Variants in CDC42BPA observed in about 807,000 individuals in gnomAD.
CDC42BPA encodes the protein CDC42 binding protein kinase alpha.
In CDC42BPA, 80 loss-of-function variants were observed where a neutral mutation model predicts 223.5. That is an observed-to-expected ratio of 0.36 (90% CI 0.30 to 0.43). The LOEUF (loss-of-function observed/expected upper bound fraction) is 0.43, where lower values mean the gene tolerates loss of function less well. Ranked by LOEUF, CDC42BPA falls within the 20% of genes least tolerant of loss-of-function variation. The pLI is 1.00. For missense variants in CDC42BPA, 1,743 were observed against 2,099.9 expected, an observed-to-expected ratio of 0.83 and a Z score of 3.32; for synonymous variants, 694 against 718.6, an observed-to-expected ratio of 0.97 and a Z score of 0.55.
At chr1:227,106,923 G>A (rs1017020290) in intron 14 of CDC42BPA, among the ~76,000 whole-genome samples, 3 of 152,186 alleles carry the variant, frequency 2.0e-5, no homozygotes, top group Non-Finnish European at 4.4e-5. Context: ...TGGTCTGTAT[G>A]TCTATCCTTA....
chr1:227,179,603 T>C (rs917603601), intron 5 of CDC42BPA, among the ~76,000 whole-genome samples: 4 of 110,326 alleles, frequency 3.6e-5, no homozygotes, highest in African/African-American at 1.4e-4. Flanking sequence ...GCCACTGCAC[T>C]CCAGCCTGGG....
rs753957885 is a variant in CDC42BPA at position 226,993,310 on chromosome 1, T to TA, written c.*957dup. On this transcript the variant is annotated 3_prime_UTR_variant, in exon 37 of 37. Coordinates refer to ENST00000366766, the MANE Select transcript of CDC42BPA (RefSeq NM_001394014.1). ...TATTTCTACATTTATCTGCGGAAGATAAAATACAATAAAAAGTGAGAAGTG... is the reference window on the plus strand; with the variant it reads ...TATTTCTACATTTATCTGCGGAAGATAAAAATACAATAAAAAGTGAGAAGTG... 4 of 152,322 alleles carry TA rather than the reference T, an allele frequency of 2.6e-5. No individual in the cohort carries two copies. In the South Asian group the frequency reaches 8.3e-4, roughly 32 times the overall value. 9.4% of individuals were successfully genotyped at this position (152,322 alleles called of 1,614,324 possible). A position where few individuals can be genotyped will look rare whatever the true frequency, so the allele number is the denominator to read the frequency against.
At chr1:227,205,607 T>C (rs1299060714) in intron 3 of CDC42BPA, among the ~76,000 whole-genome samples, 1 of 152,010 alleles carries the variant, frequency 6.6e-6, no homozygotes, top group Non-Finnish European at 1.5e-5. Context: ...ATTATAAAAA[T>C]AGCCAAACAA....
intron 12 of CDC42BPA, among the ~76,000 whole-genome samples, chr1:227,117,337 G>C (rs1383029854): frequency 6.6e-6 from 1 of 152,038 alleles, no homozygotes; most frequent in Non-Finnish European, 1.5e-5. Context: ...TTCCCCCTGA[G>C]ATAGGGTCTT....
chr1:227,072,238 T>G lies in CDC42BPA; in HGVS notation c.2797A>C (p.Lys933Gln). ...ELLSEIEQLI[K>Q]DTEELRSEKG... ...TCAGATCTAAGCTCTTCAGTGTCCT[T>G]TATCAGCTGTTCGATTTCTGAGAGT... Residue 933 changes from lysine to glutamine, a missense_variant, in exon 20 of 37, where the codon AAG becomes CAG. By Grantham distance (53) the Lys-to-Gln change is moderately conservative. Around this residue, in one of 6 missense-constraint regions of CDC42BPA, gnomAD observed 678 missense variants for 777.5 expected, o/e 0.87. Transcript: ENST00000366766. The G allele has an allele frequency of 3.1e-6, 5 of 1,608,758 alleles. No individual in the cohort carries two copies. The highest frequency in any genetic ancestry group is 4.3e-6 in the Non-Finnish European group (5 of 1,175,736).
intron 2 of CDC42BPA, among the ~76,000 whole-genome samples, chr1:227,224,967 A>G (rs1676593847): frequency 6.6e-6 from 1 of 152,204 alleles, no homozygotes; most frequent in Non-Finnish European, 1.5e-5. Context: ...AACTGCAATG[A>G]GCTAACAGAG....
At position 227,173,711 on chromosome 1, in the gene CDC42BPA, A is replaced by AT. The variant is rs113378000; in HGVS notation, c.600-13076dup. On this transcript the variant is annotated intron_variant, in intron 5 of 36. Transcript: ENST00000366766. ...GAATGATGTAAGCTCCACATGTGGTATTTTTTTTTTAACTCTACCCTATAT... is the reference window on the plus strand; with the variant it reads ...GAATGATGTAAGCTCCACATGTGGTATTTTTTTTTTTAACTCTACCCTATAT... 3.6e-4 allele frequency among the ~76,000 whole-genome samples: 54 copies of AT among 149,364 alleles called. 1 individual carries two copies. Among genetic ancestry groups the AT allele is most frequent in the South Asian group, 1.5e-3 (7 of 4,714 alleles).
intron 5 of CDC42BPA, among the ~76,000 whole-genome samples, chr1:227,181,473 TATC>T (rs1291072012): frequency 1.3e-5 from 2 of 152,252 alleles, no homozygotes; most frequent in Non-Finnish European, 2.9e-5. Context: ...TTTTTTGAAG[TATC>T]TTCTTCCTAT....
chr1:227,069,732 A>G, intron 21 of CDC42BPA, 45 bp downstream of exon 21: 2 of 1,353,774 alleles, frequency 1.5e-6, no homozygotes, highest in Middle Eastern at 1.8e-4. Flanking sequence ...TACAAAGTGA[A>G]TTTTAAATTG....
At chr1:227,207,394 T>C (rs968745098) in intron 3 of CDC42BPA, among the ~76,000 whole-genome samples, 2 of 150,434 alleles carry the variant, frequency 1.3e-5, no homozygotes, top group African/African-American at 4.9e-5. Flanking sequence ...CTTTAAGTTT[T>C]AGGGTACATG....
At chr1:227,097,464 G>A (rs1684215298) in intron 15 of CDC42BPA, among the ~76,000 whole-genome samples, 1 of 152,172 alleles carries the variant, frequency 6.6e-6, no homozygotes, top group African/African-American at 2.4e-5. Flanking sequence ...CAGTCAGGCA[G>A]ACATAAGCAG....
At chr1:227,062,482 T>C (rs903301121) in intron 21 of CDC42BPA, among the ~76,000 whole-genome samples, 5 of 152,200 alleles carry the variant, frequency 3.3e-5, no homozygotes, top group Non-Finnish European at 5.9e-5. Flanking sequence ...TCTGGTTATA[T>C]ATTTGTCTTT....
chr1:227,257,507 T>TA (rs1314155034), intron 1 of CDC42BPA, among the ~76,000 whole-genome samples: 1 of 150,728 alleles, frequency 6.6e-6, no homozygotes, highest in Non-Finnish European at 1.5e-5. Flanking sequence ...CCCAGCACTG[T>TA]AGGAAGCCAA....
chr1:227,046,663 A>C (rs935599448), intron 23 of CDC42BPA, among the ~76,000 whole-genome samples: 1 of 151,928 alleles, frequency 6.6e-6, no homozygotes, highest in Non-Finnish European at 1.5e-5. Context: ...CTCCTGCTTC[A>C]CTCTTGCCTC....
intron 16 of CDC42BPA, among the ~76,000 whole-genome samples, chr1:227,084,880 C>A (rs1223113320): frequency 6.6e-6 from 1 of 151,974 alleles, no homozygotes; most frequent in Admixed American, 6.6e-5. Flanking sequence ...AGAGAAGAAC[C>A]CCCTCCCTAA....
chr1:227,099,220 T>TA (rs1399997685), intron 15 of CDC42BPA, among the ~76,000 whole-genome samples: 2 of 152,136 alleles, frequency 1.3e-5, no homozygotes, highest in Non-Finnish European at 2.9e-5. Context: ...ATCGTTATCT[T>TA]AGAGTATACA....
intron 30 of CDC42BPA, among the ~76,000 whole-genome samples, chr1:227,027,496 A>G (rs574034164): frequency 3.4e-4 from 51 of 151,968 alleles, no homozygotes; most frequent in Non-Finnish European, 6.2e-4. Context: ...GTCTTACTCT[A>G]TTTCCCATAT....
intron 6 of CDC42BPA, among the ~76,000 whole-genome samples, chr1:227,152,703 T>C (rs982617904): frequency 6.6e-6 from 1 of 152,138 alleles, no homozygotes; most frequent in Non-Finnish European, 1.5e-5. Context: ...AGTATATTAA[T>C]AATCACAAAA....
intron 2 of CDC42BPA, among the ~76,000 whole-genome samples, chr1:227,243,800 A>G (rs1231127186): frequency 1.3e-5 from 2 of 151,544 alleles, no homozygotes; most frequent in African/African-American, 2.4e-5. Context: ...ACACGTGTGC[A>G]CATCTCCAAC....
Sources: allele counts gnomAD v4.1 joint callset (sites outside exome capture counted in the v4.1 genomes callset), GRCh38; gene constraint gnomAD v4.1.1; regional missense constraint gnomAD v4.1.1; transcripts MANE v1.5; gene names NCBI Gene and HGNC (gene_info 2026-07-23, HGNC 2026-07-21).